GRID1: variants seen among roughly 807,000 people sequenced by gnomAD.
The protein encoded by GRID1 is glutamate receptor ionotropic, delta-1.
GRID1 carries 28 observed loss-of-function variants against 98.0 expected under a neutral mutation model. The ratio of observed to expected loss-of-function variants is 0.29; its 90% CI spans 0.21 to 0.39. The LOEUF is 0.39. GRID1 is among the 10% of genes least tolerant of loss of function. GRID1 has a pLI of 1.00. For synonymous variants in GRID1, 553 were observed against 538.5 expected (o/e 1.03, Z -0.37); for missense variants, 1,111 against 1,340.5 (o/e 0.83, Z 2.67).
At chr10:85,835,322 G>C (rs1453032023) in intron 8 of GRID1, among the ~76,000 whole-genome samples, 1 of 152,148 alleles carries the variant, frequency 6.6e-6, no homozygotes, top group African/African-American at 2.4e-5. Flanking sequence ...ATATGGTTTG[G>C]CTGTGTCCCC....
At chr10:86,338,137 C>T (rs1393957013) in intron 2 of GRID1, among the ~76,000 whole-genome samples, 1 of 152,062 alleles carries the variant, frequency 6.6e-6, no homozygotes. Context: ...AGGCTGTGCC[C>T]GTCAGGATAC....
chr10:85,667,243 C>T (rs1196726615), intron 12 of GRID1, among the ~76,000 whole-genome samples: 3 of 152,124 alleles, frequency 2.0e-5, no homozygotes, highest in Non-Finnish European at 2.9e-5. Flanking sequence ...AAATTTCCCC[C>T]GCATCCTCTG....
At chr10:86,060,307 G>A (rs1159015375) in intron 4 of GRID1, among the ~76,000 whole-genome samples, 1 of 152,160 alleles carries the variant, frequency 6.6e-6, no homozygotes, top group Non-Finnish European at 1.5e-5. Flanking sequence ...TCCCCACTGG[G>A]AAAATGCATA....
intron 4 of GRID1, among the ~76,000 whole-genome samples, chr10:85,990,865 T>C (rs1320298136): frequency 7.6e-6 from 1 of 131,856 alleles, no homozygotes; most frequent in East Asian, 1.9e-4. Context: ...ATATAAAGAC[T>C]TTTTTTTTCC....
At chr10:85,737,928 C>A (rs1255538699) in intron 8 of GRID1, among the ~76,000 whole-genome samples, 1 of 151,618 alleles carries the variant, frequency 6.6e-6, no homozygotes, top group Non-Finnish European at 1.5e-5. Context: ...GGATCAAAAG[C>A]AGGTGGTAGT....
chr10:85,737,673 TAA>T (rs1554828154), intron 8 of GRID1, among the ~76,000 whole-genome samples: 1 of 113,042 alleles, frequency 8.8e-6, no homozygotes, highest in Non-Finnish European at 1.8e-5. Flanking sequence ...TATATATATA[TAA>T]ACATATATGG....
At chr10:85,638,393 A>C (rs1843075016) in intron 13 of GRID1, among the ~76,000 whole-genome samples, 2 of 152,234 alleles carry the variant, frequency 1.3e-5, no homozygotes, top group Admixed American at 1.3e-4. Flanking sequence ...GAAATTGCCC[A>C]ATCTTGTAAA....
At chr10:85,766,730 T>TTGTGTGTG (rs35691322) in intron 8 of GRID1, among the ~76,000 whole-genome samples, 2,042 of 138,388 alleles carry the variant, frequency 0.015, 41 homozygotes, top group East Asian at 0.1. Context: ...AGGCAGATGA[T>TTGTGTGTG]TGTGTGTGTG....
At position 85,602,310 on chromosome 10, in the gene GRID1, G is replaced by A; in HGVS notation, c.2993C>T (p.Pro998Leu). The A allele has an allele frequency of 1.3e-6, 2 of 1,545,650 alleles. No individual in the cohort carries two copies. The highest frequency in any genetic ancestry group is 1.7e-6 in the Non-Finnish European group (2 of 1,145,242). Reference sequence around the variant, plus strand: ...CCCGTGGGAGGTGTCCAGAGCCTCTGGAAGGACGCCTCCAGGCACGGGCTG... The same window carrying A: ...CCCGTGGGAGGTGTCCAGAGCCTCTAGAAGGACGCCTCCAGGCACGGGCTG... Reference protein sequence around the residue: ...SFQPVPGGVLPEALDTSHGTS... With the variant: ...SFQPVPGGVLLEALDTSHGTS... Residue 998 changes from proline (P) to leucine (L), a missense_variant, in exon 16 of 16, where the codon CCA becomes CTA. Physicochemically the swap from Pro to Leu is moderately conservative, Grantham distance 98 (BLOSUM62 -3). Transcript: ENST00000327946.
chr10:86,078,889 G>A (rs1220545984), intron 4 of GRID1, among the ~76,000 whole-genome samples: 1 of 152,224 alleles, frequency 6.6e-6, no homozygotes, highest in Non-Finnish European at 1.5e-5. Flanking sequence ...CCTCTCTTGT[G>A]CAAACCTGAC....
rs937944622 is a variant in GRID1, at chr10:85,943,739, A to G, written c.727-27500T>C. On this transcript the variant is annotated intron_variant, in intron 4 of 15. Coordinates refer to ENST00000327946, the MANE Select transcript of GRID1 (RefSeq NM_017551.3). ...AATAAAGAGCTCCTTTAGTATTAAT[A>G]AGAAAATAAAGGAGAATGGGGCAAA... is the stretch of plus-strand genomic sequence containing the variant. Among the ~76,000 whole-genome samples the G allele has an allele frequency of 2.0e-5, 3 of 152,238 alleles. No individual in the cohort carries two copies. The East Asian group carries it at 5.8e-4, about 29-fold the overall frequency.
intron 4 of GRID1, among the ~76,000 whole-genome samples, chr10:86,009,645 G>A (rs1444522640): frequency 6.6e-6 from 1 of 152,170 alleles, no homozygotes; most frequent in African/African-American, 2.4e-5. Context: ...AGAAAAAGCT[G>A]CTATTAGATT....
intron 5 of GRID1, among the ~76,000 whole-genome samples, chr10:85,886,532 G>C (rs1841120270): frequency 6.6e-6 from 1 of 152,086 alleles, no homozygotes; most frequent in Admixed American, 6.5e-5. Flanking sequence ...CCAAATACGA[G>C]ATCTCAAATA....
intron 14 of GRID1, among the ~76,000 whole-genome samples, chr10:85,618,939 G>A (rs1291942224): frequency 3.3e-5 from 5 of 152,210 alleles, no homozygotes; most frequent in Non-Finnish European, 7.3e-5. Context: ...AAGTTCCTTA[G>A]TACTGAAATT....
At chr10:85,823,315 C>A (rs1842790205) in intron 8 of GRID1, among the ~76,000 whole-genome samples, 1 of 152,000 alleles carries the variant, frequency 6.6e-6, no homozygotes, top group African/African-American at 2.4e-5. Flanking sequence ...TAAAATATGA[C>A]TCAATCAAGT....
Position 85,602,692 on chromosome 10 carries a change from CTT to C in GRID1, c.2609_2610del (p.Glu870GlyfsTer16). ...CHQETPKEDK[E>X]VNLEQVHRRM... ...CGCCGGTGGACCTGCTCCAAGTTCACTTCTTTGTCCTGGAGGGAAGGCATAGG... is the reference window on the plus strand; with the variant it reads ...CGCCGGTGGACCTGCTCCAAGTTCACCTTTGTCCTGGAGGGAAGGCATAGG... On this transcript the variant is annotated frameshift_variant, in exon 16 of 16. Transcript: ENST00000327946. LOFTEE classifies it high-confidence loss of function. 1 of 1,610,796 alleles carries C rather than the reference CTT, an allele frequency of 6.2e-7. No homozygotes were observed. The highest frequency in any genetic ancestry group is 8.5e-7 in the Non-Finnish European group (1 of 1,178,154).
intron 2 of GRID1, among the ~76,000 whole-genome samples, chr10:86,278,598 T>G (rs1847309053): frequency 6.6e-6 from 1 of 152,108 alleles, no homozygotes; most frequent in Non-Finnish European, 1.5e-5. Flanking sequence ...AGAGATGATA[T>G]TACTACAGAT....
intron 5 of GRID1, among the ~76,000 whole-genome samples, chr10:85,895,502 A>G (rs1841279706): frequency 1.3e-5 from 2 of 152,120 alleles, no homozygotes; most frequent in Admixed American, 6.5e-5. Context: ...ACTCTAAGCC[A>G]CTGCCCCATT....
intron 13 of GRID1, among the ~76,000 whole-genome samples, chr10:85,641,833 A>G (rs1177738478): frequency 2.0e-5 from 3 of 152,178 alleles, no homozygotes; most frequent in African/African-American, 7.2e-5. Context: ...CCAGAGACAG[A>G]CCTAGAGGAC....
Sources: allele counts gnomAD v4.1 joint callset (sites outside exome capture counted in the v4.1 genomes callset), GRCh38; gene constraint gnomAD v4.1.1; transcripts MANE v1.5; gene names NCBI Gene and HGNC (gene_info 2026-07-23, HGNC 2026-07-21).